The following PTPRD variants were observed in gnomAD, a reference collection of about 807,000 sequenced individuals.
The protein encoded by PTPRD is receptor-type tyrosine-protein phosphatase delta.
In PTPRD, 34 loss-of-function variants were observed where a neutral mutation model predicts 214.5. The observed-to-expected ratio is 0.16, with a 90% CI of 0.12 to 0.21. PTPRD has a LOEUF of 0.21. Ranked by LOEUF, PTPRD falls within the 10% of genes least tolerant of loss-of-function variation. The pLI, the probability that PTPRD is intolerant of heterozygous loss-of-function variation, is 1.00. For synonymous variants in PTPRD, 1,128 were observed against 845.7 expected, an observed-to-expected ratio of 1.33 and a Z score of -5.79; for missense variants, 2,545 against 2,398.7, an observed-to-expected ratio of 1.06 and a Z score of -1.27.
chr9:9,829,344 A>G (rs1165994544), intron 5 of PTPRD, among the ~76,000 whole-genome samples: 1 of 151,850 alleles, frequency 6.6e-6, no homozygotes, highest in African/African-American at 2.4e-5. Flanking sequence ...TATATCAAAT[A>G]AAACAAGTCC....
intron 12 of PTPRD, among the ~76,000 whole-genome samples, chr9:8,644,706 G>A (rs561828952): frequency 3.9e-5 from 6 of 152,308 alleles, no homozygotes; most frequent in East Asian, 1.9e-4. Context: ...GCTGCCTCAC[G>A]GAGAACTGGC....
chr9:9,534,821 C>T (rs746209697), intron 8 of PTPRD, among the ~76,000 whole-genome samples: 1 of 151,924 alleles, frequency 6.6e-6, no homozygotes, highest in Non-Finnish European at 1.5e-5. Context: ...TATCATATAC[C>T]ATGTAATTGT....
chr9:9,523,406 A>G (rs2097038629), intron 8 of PTPRD, among the ~76,000 whole-genome samples: 1 of 152,178 alleles, frequency 6.6e-6, no homozygotes, highest in Non-Finnish European at 1.5e-5. Context: ...AAAAAGATTC[A>G]TTTCATAAAC....
chr9:9,877,821 A>C (rs1395949803), intron 5 of PTPRD, among the ~76,000 whole-genome samples: 1 of 151,860 alleles, frequency 6.6e-6, no homozygotes, highest in Non-Finnish European at 1.5e-5. Context: ...TGAAAATACA[A>C]AATTAGCCAG....
chr9:10,116,475 C>T (rs962951160), intron 3 of PTPRD, among the ~76,000 whole-genome samples: 4 of 152,034 alleles, frequency 2.6e-5, no homozygotes, highest in Non-Finnish European at 5.9e-5. Flanking sequence ...CCTTAATATA[C>T]CATTTATATT....
intron 8 of PTPRD, among the ~76,000 whole-genome samples, chr9:9,496,608 T>C (rs1157229130): frequency 1.3e-5 from 2 of 152,152 alleles, no homozygotes; most frequent in African/African-American, 4.8e-5. Context: ...TAACAAGTGT[T>C]GGTGATGATG....
chr9:8,573,285 G>A (rs553834249), intron 14 of PTPRD, among the ~76,000 whole-genome samples: 1 of 152,010 alleles, frequency 6.6e-6, no homozygotes, highest in African/African-American at 2.4e-5. Context: ...AGGTATTGGT[G>A]CTACTAAAGA....
chr9:8,685,578 C>A (rs9969698), intron 12 of PTPRD, among the ~76,000 whole-genome samples: 16,506 of 152,128 alleles, frequency 0.11, 2,744 homozygotes, highest in African/African-American at 0.35. Flanking sequence ...ATATAATGTC[C>A]ATCAACTGGT....
intron 39 of PTPRD, among the ~76,000 whole-genome samples, chr9:8,354,846 G>A (rs767644346): frequency 2.6e-5 from 4 of 152,108 alleles, no homozygotes; most frequent in Non-Finnish European, 5.9e-5. Flanking sequence ...ATCAATTTAG[G>A]CTGTAAGAAT....
At chr9:9,800,288 T>C (rs1044569090) in intron 5 of PTPRD, among the ~76,000 whole-genome samples, 4 of 152,270 alleles carry the variant, frequency 2.6e-5, no homozygotes, top group African/African-American at 9.6e-5. Flanking sequence ...TGAGCTATGA[T>C]TGAGTCACTG....
chr9:10,495,278 T>C (rs2041699985), intron 2 of PTPRD, among the ~76,000 whole-genome samples: 1 of 151,862 alleles, frequency 6.6e-6, no homozygotes, highest in South Asian at 2.1e-4. Context: ...ACATCTCTTT[T>C]CCACAAAGTC....
intron 8 of PTPRD, among the ~76,000 whole-genome samples, chr9:9,511,811 G>T (rs1211950897): frequency 1.3e-5 from 2 of 151,624 alleles, no homozygotes; most frequent in African/African-American, 4.8e-5. Flanking sequence ...TGTAATGTAG[G>T]TCAAATGCTC....
At chr9:8,883,640 G>A (rs1395110382) in intron 11 of PTPRD, among the ~76,000 whole-genome samples, 1 of 152,216 alleles carries the variant, frequency 6.6e-6, no homozygotes, top group African/African-American at 2.4e-5. Context: ...AAATGCTGAG[G>A]TGAGAGGTCA....
At chr9:10,147,543 A>G (rs2099031689) in intron 3 of PTPRD, among the ~76,000 whole-genome samples, 1 of 152,176 alleles carries the variant, frequency 6.6e-6, no homozygotes, top group South Asian at 2.1e-4. Flanking sequence ...TTTCCCAGCC[A>G]GAAGAAAGGT....
At chr9:10,331,528 G>C (rs2096750517) in intron 3 of PTPRD, among the ~76,000 whole-genome samples, 1 of 151,806 alleles carries the variant, frequency 6.6e-6, no homozygotes. Context: ...AATAGTAAGA[G>C]ATGGTTCATA....
intron 9 of PTPRD, among the ~76,000 whole-genome samples, chr9:9,315,864 T>TGTGA (rs1395827919): frequency 7.2e-6 from 1 of 139,370 alleles, no homozygotes; most frequent in African/African-American, 2.6e-5. Flanking sequence ...TTTTGCTACA[T>TGTGA]GTGAGATGCT....
At chr9:9,096,785 G>A (rs2099784152) in intron 10 of PTPRD, among the ~76,000 whole-genome samples, 1 of 152,166 alleles carries the variant, frequency 6.6e-6, no homozygotes, top group African/African-American at 2.4e-5. Context: ...TAAAGTAAAT[G>A]AGGTTTATAT....
At position 8,353,367 on chromosome 9, in the gene PTPRD, A is replaced by C. The variant is rs972598406; in HGVS notation, c.4662-11389T>G. Among the ~76,000 whole-genome samples the C allele has an allele frequency of 3.9e-5, 6 of 152,000 alleles. No homozygotes were observed. In the South Asian group the frequency reaches 1.0e-3, roughly 26 times the overall value. ...TATGGCTTCTGATCCGGCTTCTTAA[A>C]CTCATGGGTTTCTGAATTATGAATC... On this transcript the variant is annotated intron_variant, in intron 39 of 45. Coordinates refer to ENST00000381196, the MANE Select transcript of PTPRD (RefSeq NM_002839.4).
At position 10,255,180 on chromosome 9, in the gene PTPRD, G is replaced by T. The variant is rs1595464296; in HGVS notation, c.-545+85783C>A. On this transcript the variant is annotated intron_variant, in intron 3 of 45. Transcript: ENST00000381196. The stretch of plus-strand genomic sequence containing the variant: ...TTCACATGAGGTGATTTAAAATAGG[G>T]TCAAGTGTTGCTTAAGGAGGGGGAT... Among the ~76,000 whole-genome samples the T allele has an allele frequency of 1.3e-5, 2 of 152,160 alleles. 1 individual carries two copies. The highest frequency in any genetic ancestry group is 4.1e-4 in the South Asian group (2 of 4,830).
Sources: gnomAD v4.1 joint callset for allele counts (sites outside exome capture counted in the v4.1 genomes callset) on GRCh38, gnomAD v4.1.1 for gene constraint, MANE v1.5 for transcripts, NCBI Gene and HGNC (gene_info 2026-07-23, HGNC 2026-07-21) for gene names.